ZFAND3: variants seen among roughly 807,000 people sequenced by gnomAD.
ZFAND3 encodes the protein zinc finger AN1-type containing 3, also known as AN1-type zinc finger protein 3.
A neutral mutation model predicts 29.6 loss-of-function variants in ZFAND3; 10 were observed. That is an observed-to-expected ratio of 0.34 (90% confidence interval 0.21 to 0.57). The LOEUF is 0.57. Ranked by LOEUF, ZFAND3 falls within the 20% of genes least tolerant of loss-of-function variation. ZFAND3 has a pLI of 0.86. For synonymous variants in ZFAND3, 128 were observed against 112.6 expected, an observed-to-expected ratio of 1.14 and a Z score of -0.87; for missense variants, 230 against 304.5, an observed-to-expected ratio of 0.76 and a Z score of 1.82.
At chr6:38,070,723 T>C (rs1764438503) in intron 3 of ZFAND3, among the ~76,000 whole-genome samples, 3 of 152,274 alleles carry the variant, frequency 2.0e-5, no homozygotes, top group African/African-American at 7.2e-5. Context: ...TCAGAGAATA[T>C]GTATATTTAA....
At chr6:37,846,127 A>G (rs1764173414) in intron 1 of ZFAND3, among the ~76,000 whole-genome samples, 1 of 152,138 alleles carries the variant, frequency 6.6e-6, no homozygotes. Flanking sequence ...GCCCTGATTC[A>G]TCATTTGTAT....
intron 1 of ZFAND3, among the ~76,000 whole-genome samples, chr6:37,829,007 T>G (rs1388716726): frequency 2.0e-5 from 3 of 152,218 alleles, no homozygotes; most frequent in African/African-American, 7.2e-5. Context: ...ACCAGGTTTT[T>G]CAAGTCCTTA....
At chr6:38,096,073 A>G (rs576347611) in intron 4 of ZFAND3, among the ~76,000 whole-genome samples, 1 of 152,082 alleles carries the variant, frequency 6.6e-6, no homozygotes, top group East Asian at 1.9e-4. Context: ...CTAGTATTCC[A>G]TGTTACTACT....
At chr6:38,023,463 G>A (rs1763388010) in intron 2 of ZFAND3, among the ~76,000 whole-genome samples, 2 of 152,154 alleles carry the variant, frequency 1.3e-5, no homozygotes, top group South Asian at 4.1e-4. Context: ...TAATTAGCTT[G>A]ATTTAGCCAT....
intron 2 of ZFAND3, among the ~76,000 whole-genome samples, chr6:37,988,996 C>T (rs67479083): frequency 0.3 from 45,643 of 151,868 alleles, 7,409 homozygotes; most frequent in East Asian, 0.57. Context: ...TTTCCACTCC[C>T]GGTTTCAAGC....
intron 2 of ZFAND3, among the ~76,000 whole-genome samples, chr6:37,933,143 G>T (rs1469712481): frequency 6.6e-6 from 1 of 152,188 alleles, no homozygotes; most frequent in Admixed American, 6.5e-5. Context: ...GATCTTAAAA[G>T]ACTCTTTTTA....
intron 1 of ZFAND3, among the ~76,000 whole-genome samples, chr6:37,862,878 T>C (rs73419418): frequency 0.067 from 10,172 of 151,968 alleles, 408 homozygotes; most frequent in Non-Finnish European, 0.085. Context: ...AGGGAAAATA[T>C]TTGGGCCAAC....
intron 1 of ZFAND3, among the ~76,000 whole-genome samples, chr6:37,866,228 T>TA (rs35899112): frequency 1.3e-5 from 2 of 152,288 alleles, no homozygotes; most frequent in Admixed American, 6.5e-5. Context: ...GGAAGCTTTT[T>TA]AAAAAAAGTA....
At chr6:38,067,063 C>G (rs1162322427) in intron 3 of ZFAND3, among the ~76,000 whole-genome samples, 1 of 152,186 alleles carries the variant, frequency 6.6e-6, no homozygotes, top group Non-Finnish European at 1.5e-5. Flanking sequence ...GGTAACGGCT[C>G]ACAACAAGTA....
chr6:38,087,241 A>C (rs1344914512), intron 4 of ZFAND3, among the ~76,000 whole-genome samples: 1 of 152,240 alleles, frequency 6.6e-6, no homozygotes, highest in Non-Finnish European at 1.5e-5. Context: ...AACTACTACA[A>C]GAAAAGATTG....
chr6:37,870,849 A>G (rs1239635032), intron 1 of ZFAND3, among the ~76,000 whole-genome samples: 3 of 152,140 alleles, frequency 2.0e-5, no homozygotes, highest in East Asian at 3.9e-4. Context: ...CTCGCTATAA[A>G]TCAGTAATTC....
Position 38,154,271 on chromosome 6 carries a change from C to T in ZFAND3, c.*1882C>T. 1.0e-6 allele frequency: 1 copy of T among 985,422 alleles called. No individual in the cohort carries two copies. Among genetic ancestry groups the T allele is most frequent in the Non-Finnish European group, 1.2e-6 (1 of 829,896 alleles). The allele number at this position is 985,422 out of a possible 1,614,324, so 61.0% of individuals were successfully genotyped here. On this transcript the variant is annotated 3_prime_UTR_variant, in exon 6 of 6. Transcript: ENST00000287218. ...CCCTTCCCGGCCCTCCCCAGGGCCC[C>T]CCGCCCCCTCCTCTGCCTGCTGCGT...
At chr6:37,952,772 C>T (rs555629983) in intron 2 of ZFAND3, among the ~76,000 whole-genome samples, 20 of 152,106 alleles carry the variant, frequency 1.3e-4, no homozygotes, top group African/African-American at 4.8e-4. Flanking sequence ...GGAACAAGTC[C>T]TGGTGCTCAG....
At chr6:38,040,216 C>G (rs1763733475) in intron 2 of ZFAND3, among the ~76,000 whole-genome samples, 1 of 152,222 alleles carries the variant, frequency 6.6e-6, no homozygotes, top group Non-Finnish European at 1.5e-5. Context: ...AGTGACTATT[C>G]TTGCATACAC....
chr6:37,867,099 G>A (rs1367063085), intron 1 of ZFAND3, among the ~76,000 whole-genome samples: 1 of 152,204 alleles, frequency 6.6e-6, no homozygotes, highest in Non-Finnish European at 1.5e-5. Flanking sequence ...ATAGGCGGTT[G>A]AGTGGCAAAG....
intron 4 of ZFAND3, among the ~76,000 whole-genome samples, chr6:38,085,630 A>G (rs766244080): frequency 7.9e-5 from 12 of 152,084 alleles, no homozygotes; most frequent in Non-Finnish European, 1.6e-4. Flanking sequence ...AATAAAGACA[A>G]GGTCTTATTA....
intron 2 of ZFAND3, among the ~76,000 whole-genome samples, chr6:37,971,317 A>G (rs1243503957): frequency 1.3e-5 from 2 of 152,162 alleles, no homozygotes; most frequent in Non-Finnish European, 2.9e-5. Context: ...TATTCTGTGT[A>G]TCTTTGCAGG....
chr6:38,013,746 A>C (rs568920149), intron 2 of ZFAND3, among the ~76,000 whole-genome samples: 19 of 151,956 alleles, frequency 1.3e-4, no homozygotes, highest in East Asian at 1.9e-4. Flanking sequence ...AACAAAAAAA[A>C]CCTCCAATGT....
In ZFAND3 at chr6:37,952,195, A is replaced by G. The variant is rs753792495; in HGVS notation, c.112+22196A>G. Among the ~76,000 whole-genome samples, 63 of 152,078 alleles carry G rather than the reference A, an allele frequency of 4.1e-4. 1 individual carries two copies. Among genetic ancestry groups the G allele is most frequent in the South Asian group, 2.1e-4 (1 of 4,828 alleles). On this transcript the variant is annotated intron_variant, in intron 2 of 5. Coordinates refer to ENST00000287218, the MANE Select transcript of ZFAND3 (RefSeq NM_021943.3). ...GTGTGTGTCTCGGCCAGGTTTTGGT[A>G]TCAGAATGATGCTGACCTCATAGAA...
Sources: allele counts gnomAD v4.1 joint callset (sites outside exome capture counted in the v4.1 genomes callset), GRCh38; gene constraint gnomAD v4.1.1; transcripts MANE v1.5; gene names NCBI Gene and HGNC (gene_info 2026-07-23, HGNC 2026-07-21).